The following ZFHX3 variants were observed in gnomAD, a reference collection of about 807,000 sequenced individuals.
ZFHX3 encodes the protein zinc finger homeobox 3.
Under a neutral mutation model 279.1 loss-of-function variants are expected in ZFHX3, and 42 were observed. That is an observed-to-expected ratio of 0.15 (90% CI 0.12 to 0.19). The LOEUF is 0.19. Ranked by LOEUF, ZFHX3 falls within the 10% of genes least tolerant of loss-of-function variation. The probability of loss-of-function intolerance (pLI) is 1.00; values close to 1 mark genes in which losing one functional copy is unlikely to be tolerated. For synonymous variants in ZFHX3, 2,293 were observed against 1,957.8 expected (o/e 1.17, Z -4.52); for missense variants, 4,981 against 4,754.0 (o/e 1.05, Z -1.40).
chr16:73,022,938 T>C (rs890590651), intron 1 of ZFHX3, among the ~76,000 whole-genome samples: 1 of 152,078 alleles, frequency 6.6e-6, no homozygotes, highest in Admixed American at 6.5e-5. Context: ...GTTTAAAACA[T>C]AGTATGTGGC....
At chr16:73,739,703 A>G (rs886817869) in intron 1 of ZFHX3, among the ~76,000 whole-genome samples, 10 of 152,096 alleles carry the variant, frequency 6.6e-5, no homozygotes, top group African/African-American at 2.4e-4. Flanking sequence ...TGACACAGTT[A>G]CCCCAGTTAT....
At chr16:73,886,120 T>C (rs1158968514) in intron 1 of ZFHX3, among the ~76,000 whole-genome samples, 1 of 152,228 alleles carries the variant, frequency 6.6e-6, no homozygotes, top group Admixed American at 6.5e-5. Context: ...TTTAAAATAA[T>C]TGGAGCCCAG....
intron 3 of ZFHX3, among the ~76,000 whole-genome samples, chr16:72,926,464 T>C (rs1341814926): frequency 6.6e-6 from 1 of 152,226 alleles, no homozygotes; most frequent in African/African-American, 2.4e-5. Context: ...GAATCCACTT[T>C]GAAAAACATA....
At chr16:72,897,999 T>A (rs1442377856) in intron 3 of ZFHX3, among the ~76,000 whole-genome samples, 1 of 152,180 alleles carries the variant, frequency 6.6e-6, no homozygotes, top group Non-Finnish European at 1.5e-5. Context: ...TGCCTAAAAT[T>A]AAAAAGAAAA....
At chr16:72,915,377 G>C (rs1385125159) in intron 3 of ZFHX3, among the ~76,000 whole-genome samples, 2 of 152,124 alleles carry the variant, frequency 1.3e-5, no homozygotes, top group Non-Finnish European at 2.9e-5. Flanking sequence ...CAAACAGAAG[G>C]CTCTCGACAC....
chr16:73,143,802 T>A, exon 6 of ZFHX3: 1 of 1,304,724 alleles, frequency 7.7e-7, no homozygotes, highest in Non-Finnish European at 1.0e-6. Flanking sequence ...TAGGCTAGAC[T>A]TCTGGGGGTT....
intron 4 of ZFHX3, among the ~76,000 whole-genome samples, chr16:73,263,535 C>G (rs550114019): frequency 6.6e-6 from 1 of 152,274 alleles, no homozygotes; most frequent in South Asian, 2.1e-4. Context: ...TTGACTGTCT[C>G]TCCCTACCCA....
At chr16:73,047,131 GTTA>G (rs981414082) in intron 1 of ZFHX3, among the ~76,000 whole-genome samples, 2 of 152,144 alleles carry the variant, frequency 1.3e-5, no homozygotes, top group Non-Finnish European at 2.9e-5. Context: ...TCTTTTTGTT[GTTA>G]TTGTTTTTCT....
intron 3 of ZFHX3, among the ~76,000 whole-genome samples, chr16:72,918,039 G>C (rs12445751): frequency 0.13 from 19,695 of 152,210 alleles, 1,712 homozygotes; most frequent in Non-Finnish European, 0.2. Context: ...TGGTTTAACT[G>C]TCAGTTCCAT....
intron 5 of ZFHX3, among the ~76,000 whole-genome samples, chr16:73,223,539 C>T (rs1051601057): frequency 3.3e-5 from 5 of 152,218 alleles, no homozygotes; most frequent in East Asian, 3.9e-4. Context: ...TCCAAAATAA[C>T]GACAACCCCA....
chr16:73,193,851 T>C (rs926718387), intron 5 of ZFHX3, among the ~76,000 whole-genome samples: 1 of 152,210 alleles, frequency 6.6e-6, no homozygotes, highest in Non-Finnish European at 1.5e-5. Context: ...TGATAAGGAT[T>C]GTGTAAGTAT....
intron 1 of ZFHX3, among the ~76,000 whole-genome samples, chr16:73,720,231 G>T (rs764992087): frequency 1.3e-5 from 2 of 152,256 alleles, no homozygotes; most frequent in Non-Finnish European, 2.9e-5. Context: ...GGTATACGAA[G>T]GAACACCCTT....
rs555647291 is a variant in ZFHX3, at chr16:73,790,674, G to A, written c.-1608+100977C>T. ...AATGCAAGGCTGGTGGCCTTATTCT[G>A]GTGATGGTTGCCAATCTTCATGGAA... is the stretch of plus-strand genomic sequence containing the variant. On this transcript the variant is annotated intron_variant, in intron 1 of 17. Coordinates refer to the ZFHX3 transcript ENST00000641206. Among the ~76,000 whole-genome samples, 92 of 152,304 alleles carry A rather than the reference G, an allele frequency of 6.0e-4. 1 individual carries two copies. Among genetic ancestry groups the A allele is most frequent in the African/African-American group, 2.1e-3 (88 of 41,568 alleles).
At chr16:73,599,970 CTT>C (rs1470217966) in intron 2 of ZFHX3, among the ~76,000 whole-genome samples, 3 of 152,170 alleles carry the variant, frequency 2.0e-5, no homozygotes, top group Admixed American at 2.0e-4. Context: ...GGTGATGGCT[CTT>C]GTCTCCTCGT....
chr16:73,590,184 T>C (rs556412007), intron 2 of ZFHX3, among the ~76,000 whole-genome samples: 1 of 152,190 alleles, frequency 6.6e-6, no homozygotes, highest in Non-Finnish European at 1.5e-5. Context: ...ATTGGGAGTA[T>C]CTGTGTGAAC....
At position 73,325,313 on chromosome 16, in the gene ZFHX3, A is replaced by T. The variant is rs191333813; in HGVS notation, c.-1290-6977T>A. 1.5e-3 allele frequency among the ~76,000 whole-genome samples: 228 copies of T among 152,310 alleles called. 2 individuals are homozygous for T. The highest frequency in any genetic ancestry group is 4.9e-3 in the African/African-American group (203 of 41,562). ...GCATGTGGTTAGGTTCTGGGTGCTT[A>T]GAGGTGCTCTGTATTAAGATTGCCT... On this transcript the variant is annotated intron_variant, in intron 3 of 17. Transcript: ENST00000641206.
intron 5 of ZFHX3, among the ~76,000 whole-genome samples, chr16:73,234,748 T>C (rs2012888510): frequency 6.6e-6 from 1 of 152,226 alleles, no homozygotes; most frequent in African/African-American, 2.4e-5. Flanking sequence ...GTCTACCAGA[T>C]GTTTCTCCAC....
intron 5 of ZFHX3, among the ~76,000 whole-genome samples, chr16:73,168,211 T>TTTCCTTTCTTTC (rs1555502325): frequency 2.1e-5 from 2 of 95,222 alleles, no homozygotes; most frequent in Admixed American, 1.2e-4. Flanking sequence ...GTTTCTTTTG[T>TTTCCTTTCTTTC]TTTCTTTCTT....
intron 5 of ZFHX3, among the ~76,000 whole-genome samples, chr16:73,184,693 A>C (rs1026823053): frequency 4.6e-5 from 7 of 152,224 alleles, no homozygotes; most frequent in Non-Finnish European, 8.8e-5. Flanking sequence ...ATTGCCTGGC[A>C]TCTTTAATTA....
Sources: allele counts gnomAD v4.1 joint callset (sites outside exome capture counted in the v4.1 genomes callset), GRCh38; gene constraint gnomAD v4.1.1; transcripts MANE v1.5; gene names NCBI Gene and HGNC (gene_info 2026-07-23, HGNC 2026-07-21).